ADAMTS16: variants seen among roughly 807,000 people sequenced by gnomAD.
ADAMTS16 encodes the protein ADAM metallopeptidase with thrombospondin type 1 motif 16, also known as A disintegrin and metalloproteinase with thrombospondin motifs 16.
A neutral mutation model predicts 145.8 loss-of-function variants in ADAMTS16; 94 were observed. That is an observed-to-expected ratio of 0.64 (90% CI 0.55 to 0.77). ADAMTS16 has a LOEUF of 0.77. ADAMTS16 is among the 30% of genes least tolerant of loss of function. The pLI is 0.00. For missense variants in ADAMTS16, 1,585 were observed against 1,591.5 expected, an observed-to-expected ratio of 1.00 and a Z score of 0.07; for synonymous variants, 659 against 604.3, an observed-to-expected ratio of 1.09 and a Z score of -1.33.
At chr5:5,305,083 C>A (rs199835334) in intron 20 of ADAMTS16, among the ~76,000 whole-genome samples, 143 of 48,886 alleles carry the variant, frequency 2.9e-3, no homozygotes, top group Middle Eastern at 0.029. Flanking sequence ...ACACACACAT[C>A]CCACACCACA....
In ADAMTS16 at chr5:5,306,575, G is replaced by A. The variant is rs371311381; in HGVS notation, c.3258G>A (p.Lys1086=). 5.1e-5 allele frequency: 83 copies of A among 1,614,102 alleles called. No homozygotes were observed. The highest frequency in any genetic ancestry group is 2.2e-5 in the Non-Finnish European group (26 of 1,180,064). ...GTGCTGAAAAGTATGTTTCTGGAAA[G>A]TATCGAGAGCTGGCCTCAAAGAAGT... is the stretch of plus-strand genomic sequence containing the variant. The part of the protein sequence containing the change: ...LKCAEKYVSG[K]YRELASKKCS... The change falls in exon 21 of 23, where the codon AAG becomes AAA. Residue 1086 remains lysine (K), a synonymous_variant. Transcript: ENST00000274181.
chr5:5,252,136 A>G (rs1043277326), intron 17 of ADAMTS16, among the ~76,000 whole-genome samples: 2 of 152,196 alleles, frequency 1.3e-5, no homozygotes, highest in Non-Finnish European at 2.9e-5. Context: ...GGCGTGAGCC[A>G]CCGTGCCTGG....
intron 11 of ADAMTS16, among the ~76,000 whole-genome samples, chr5:5,224,375 C>T (rs910364574): frequency 5.9e-5 from 9 of 152,086 alleles, no homozygotes; most frequent in Non-Finnish European, 1.2e-4. Flanking sequence ...CTGCAACCTC[C>T]GCCTCCCAGG....
chr5:5,280,205 T>G (rs1305237961), intron 18 of ADAMTS16, among the ~76,000 whole-genome samples: 1 of 152,140 alleles, frequency 6.6e-6, no homozygotes, highest in African/African-American at 2.4e-5. Flanking sequence ...TCACCAAGAC[T>G]TTACTTAGAT....
chr5:5,235,206 C>T lies in ADAMTS16; in HGVS notation c.2023+20C>T, dbSNP rs546830224. The T allele has an allele frequency of 2.1e-5, 33 of 1,544,418 alleles. No individual in the cohort carries two copies. Among genetic ancestry groups the T allele is most frequent in the African/African-American group, 5.4e-5 (4 of 73,550 alleles). On this transcript the variant is annotated intron_variant, in intron 13 of 22. Coordinates refer to ENST00000274181, the MANE Select transcript of ADAMTS16 (RefSeq NM_139056.4). ...TAGAAGGTAAATCTCAAACTGCTTT[C>T]GGGTAATAGCCTCATGCTTTACTAC... is the stretch of plus-strand genomic sequence containing the variant.
chr5:5,173,779 G>A lies in ADAMTS16; in HGVS notation c.502-8265G>A, dbSNP rs143253835. Among the ~76,000 whole-genome samples, 9 of 152,240 alleles carry A rather than the reference G, an allele frequency of 5.9e-5. No homozygotes were observed. The East Asian group carries it at 1.5e-3, about 26-fold the overall frequency. On this transcript the variant is annotated intron_variant, in intron 3 of 22. Transcript: ENST00000274181. The stretch of plus-strand genomic sequence containing the variant: ...AACTCATTACTTTTAACTGATGACT[G>A]CTCATCAGGATTGCATAAACAAACT...
Position 5,146,298 on chromosome 5 carries a change from C to T in ADAMTS16, c.344C>T (p.Ser115Phe). The T allele has an allele frequency of 6.2e-7, 1 of 1,614,158 alleles. No homozygotes were observed. Among genetic ancestry groups the T allele is most frequent in the Non-Finnish European group, 8.5e-7 (1 of 1,180,022 alleles). Residue 115 changes from serine to phenylalanine, a missense_variant, in exon 3 of 23, where the codon TCC becomes TTC. Ser to Phe is a radical substitution (Grantham distance 155). Transcript: ENST00000274181. ...RHDFHMDLRT[S>F]SSLVAPGFIV... ...GACTTCCACATGGATCTGAGGACTT[C>T]CAGCAGCCTAGTGGCTCCTGGCTTT...
intron 17 of ADAMTS16, among the ~76,000 whole-genome samples, chr5:5,253,345 A>T (rs1737684861): frequency 1.3e-5 from 2 of 152,224 alleles, no homozygotes; most frequent in Non-Finnish European, 2.9e-5. Context: ...CTTCCAGGTT[A>T]CAAGTAGATA....
chr5:5,252,665 A>T (rs576743449), intron 17 of ADAMTS16, among the ~76,000 whole-genome samples: 2 of 152,236 alleles, frequency 1.3e-5, no homozygotes. Context: ...GATTAAAGTC[A>T]AAACTTTACC....
At chr5:5,208,446 G>T (rs988567536) in intron 9 of ADAMTS16, among the ~76,000 whole-genome samples, 3 of 152,204 alleles carry the variant, frequency 2.0e-5, no homozygotes, top group African/African-American at 7.2e-5. Flanking sequence ...TCCTGGAAGA[G>T]AAGAGGATAA....
chr5:5,249,406 A>G (rs577114440), intron 17 of ADAMTS16, among the ~76,000 whole-genome samples: 1 of 152,258 alleles, frequency 6.6e-6, no homozygotes, highest in East Asian at 1.9e-4. Context: ...TGTTCTGAAC[A>G]TGAGATGGGA....
chr5:5,304,135 G>A (rs1214484849), intron 20 of ADAMTS16, among the ~76,000 whole-genome samples: 2 of 152,154 alleles, frequency 1.3e-5, no homozygotes, highest in African/African-American at 4.8e-5. Context: ...GGAAATGCGC[G>A]GCTCCTGAAG....
rs542753795 is a variant in ADAMTS16, at chr5:5,213,480, C to T, written c.1605+4234C>T. 3.9e-5 allele frequency among the ~76,000 whole-genome samples: 6 copies of T among 152,062 alleles called. No homozygotes were observed. In the South Asian group the frequency reaches 1.0e-3, roughly 26 times the overall value. ...GTTTCTGTTTATCTTCTGCATTTTC[C>T]CATTTATTCATTTATCTCTACTTTT... On this transcript the variant is annotated intron_variant, in intron 10 of 22. Coordinates refer to ENST00000274181, the MANE Select transcript of ADAMTS16 (RefSeq NM_139056.4).
chr5:5,280,773 T>C (rs181845990), intron 18 of ADAMTS16, among the ~76,000 whole-genome samples: 5 of 152,214 alleles, frequency 3.3e-5, no homozygotes, highest in African/African-American at 1.2e-4. Flanking sequence ...AATTGAAATA[T>C]GGAAAAAATG....
chr5:5,217,856 A>G (rs1290210300), intron 10 of ADAMTS16, among the ~76,000 whole-genome samples: 1 of 152,226 alleles, frequency 6.6e-6, no homozygotes, highest in Non-Finnish European at 1.5e-5. Context: ...TTTTGTCTTC[A>G]TCGTGTACCT....
At chr5:5,212,074 G>T (rs916012891) in intron 10 of ADAMTS16, among the ~76,000 whole-genome samples, 1 of 151,910 alleles carries the variant, frequency 6.6e-6, no homozygotes, top group Non-Finnish European at 1.5e-5. Context: ...TACATCTTCT[G>T]CATCATCCAT....
At chr5:5,293,511 T>G (rs1739410542) in intron 18 of ADAMTS16, among the ~76,000 whole-genome samples, 2 of 152,130 alleles carry the variant, frequency 1.3e-5, no homozygotes, top group Non-Finnish European at 1.5e-5. Flanking sequence ...AAGAGCTGGC[T>G]GGAGAGCACC....
rs530649348 is a variant in ADAMTS16, at chr5:5,146,092, C to T, written c.176-38C>T. On this transcript the variant is annotated intron_variant, in intron 2 of 22. Coordinates refer to ENST00000274181, the MANE Select transcript of ADAMTS16 (RefSeq NM_139056.4). The stretch of plus-strand genomic sequence containing the variant: ...GACTTCCTGATTCTTCTCGGAATTC[C>T]GAAATGACTCAGCCTCTGCTCACTC... 4.9e-5 allele frequency: 77 copies of T among 1,558,090 alleles called. 1 individual carries two copies. The South Asian group carries it at 6.2e-4, about 13-fold the overall frequency.
At chr5:5,266,385 A>G (rs1181088746) in intron 18 of ADAMTS16, among the ~76,000 whole-genome samples, 1 of 152,230 alleles carries the variant, frequency 6.6e-6, no homozygotes, top group Non-Finnish European at 1.5e-5. Context: ...CATAGAAAGC[A>G]GGAGAGCTGG....
Sources: gnomAD v4.1 joint callset for allele counts (sites outside exome capture counted in the v4.1 genomes callset) on GRCh38, gnomAD v4.1.1 for gene constraint, MANE v1.5 for transcripts, NCBI Gene and HGNC (gene_info 2026-07-23, HGNC 2026-07-21) for gene names.